Variants in TCF12 observed in about 807,000 individuals in gnomAD.
TCF12 encodes the protein DNA-binding protein HTF4.
Under a neutral mutation model 86.0 loss-of-function variants are expected in TCF12, and 45 were observed. The observed-to-expected ratio is 0.52, with a 90% CI of 0.41 to 0.67. TCF12 has a LOEUF of 0.67. Among genes scored for constraint, TCF12 ranks in the 30% least tolerant of loss-of-function variants. The pLI is 0.00. For missense variants in TCF12, 881 were observed against 859.9 expected (o/e 1.02, Z -0.31); for synonymous variants, 330 against 299.6 (o/e 1.10, Z -1.05).
intron 5 of TCF12, among the ~76,000 whole-genome samples, chr15:57,098,603 G>A (rs2049506413): frequency 6.6e-6 from 1 of 152,182 alleles, no homozygotes. Flanking sequence ...AATATACGTG[G>A]CAGAATGTCA....
chr15:57,272,926 A>T, intron 18 of TCF12, 104 bp from the exon 19 acceptor site: 4 of 1,063,488 alleles, frequency 3.8e-6, no homozygotes, highest in Non-Finnish European at 5.4e-6. Context: ...TACAAGATTT[A>T]TAGGTGGTTT....
intron 3 of TCF12, among the ~76,000 whole-genome samples, chr15:57,003,676 A>G (rs1321049662): frequency 6.6e-6 from 1 of 152,238 alleles, no homozygotes; most frequent in Non-Finnish European, 1.5e-5. Flanking sequence ...ATTTTTTGTT[A>G]TCCCGTGTGT....
chr15:57,281,413 C>T (rs1187211756), intron 19 of TCF12, among the ~76,000 whole-genome samples: 1 of 152,210 alleles, frequency 6.6e-6, no homozygotes, highest in Non-Finnish European at 1.5e-5. Flanking sequence ...ACCTATCTAT[C>T]CTTCTCCCTC....
chr15:57,273,165 G>T lies in TCF12; in HGVS notation c.1881G>T (p.Met627Ile). 1 of 1,614,220 alleles carries T rather than the reference G, an allele frequency of 6.2e-7. No homozygotes were observed. Residue 627 changes from methionine (M) to isoleucine (I), a missense_variant, in exon 19 of 21, where the codon ATG (methionine) becomes ATT (isoleucine). Physicochemically the swap from Met to Ile is conservative, Grantham distance 10 (BLOSUM62 1). Coordinates refer to ENST00000333725, the MANE Select transcript of TCF12 (RefSeq NM_207037.2). ...INEAFKELGR[M>I]CQLHLKSEKP... Reference sequence around the variant, plus strand: ...AAGCATTCAAAGAGCTTGGCCGAATGTGTCAGCTTCACTTGAAGAGTGAAA... The same window carrying T: ...AAGCATTCAAAGAGCTTGGCCGAATTTGTCAGCTTCACTTGAAGAGTGAAA...
rs181292339 is a variant in TCF12, at chr15:56,992,747, A to G, written c.149-71003A>G. ...GGATTTTATTAATAGTGTTACGGCTATCTTTTCATGAGTTAGTTACCATGT... is the reference window on the plus strand; with the variant it reads ...GGATTTTATTAATAGTGTTACGGCTGTCTTTTCATGAGTTAGTTACCATGT... On this transcript the variant is annotated intron_variant, in intron 3 of 20. Transcript: ENST00000333725. Among the ~76,000 whole-genome samples, 160 of 152,330 alleles carry G rather than the reference A, an allele frequency of 1.1e-3. 1 individual carries two copies. The highest frequency in any genetic ancestry group is 4.1e-3 in the Admixed American group (63 of 15,298).
intron 4 of TCF12, among the ~76,000 whole-genome samples, chr15:57,075,784 T>C (rs1364119994): frequency 2.2e-4 from 10 of 45,878 alleles, no homozygotes; most frequent in African/African-American, 7.0e-4. Context: ...CTTTCTTTCT[T>C]TCTTTCTTTC....
chr15:57,186,351 T>C (rs2056664551), intron 6 of TCF12, among the ~76,000 whole-genome samples: 1 of 152,058 alleles, frequency 6.6e-6, no homozygotes, highest in African/African-American at 2.4e-5. Context: ...ATTTTAAAAT[T>C]AACCGAGTGT....
chr15:57,078,227 TG>T (rs1567377406), intron 4 of TCF12, among the ~76,000 whole-genome samples: 1 of 152,226 alleles, frequency 6.6e-6, no homozygotes, highest in Non-Finnish European at 1.5e-5. Context: ...CATTTGAAGC[TG>T]TGCTGGTGTA....
In TCF12 at chr15:57,154,244, A is replaced by G. The variant is rs1670758505; in HGVS notation, c.326-12158A>G. Among the ~76,000 whole-genome samples the G allele has an allele frequency of 3.3e-5, 5 of 152,244 alleles. 1 individual carries two copies. In the South Asian group the frequency reaches 1.0e-3, roughly 32 times the overall value. On this transcript the variant is annotated intron_variant, in intron 5 of 20. Transcript: ENST00000333725. Reference sequence around the variant, plus strand: ...TAAGAATAGGGTCTTCGCTAGATGAAAACATTTAAATAGTGAACTACTTAA... The same window carrying G: ...TAAGAATAGGGTCTTCGCTAGATGAGAACATTTAAATAGTGAACTACTTAA...
intron 19 of TCF12, chr15:57,278,697 T>TCTCTCTCTCCCTCCCTCC (rs2061518894): frequency 8.4e-6 from 1 of 118,626 alleles, no homozygotes; most frequent in East Asian, 2.3e-4. Context: ...CCTCTCCCTC[T>TCTCTCTCTCCCTCCCTCC]CTCTCCCTCC....
chr15:57,170,392 A>G (rs1432753991), intron 6 of TCF12, among the ~76,000 whole-genome samples: 1 of 151,544 alleles, frequency 6.6e-6, no homozygotes, highest in Admixed American at 6.6e-5. Context: ...CCTAGGTTCA[A>G]GTCTCATCTC....
chr15:57,075,796 TTCTTTCTTTCTCTCTCTC>T (rs1255405001), intron 4 of TCF12, among the ~76,000 whole-genome samples: 5 of 26,034 alleles, frequency 1.9e-4, no homozygotes, highest in African/African-American at 6.1e-4. Flanking sequence ...CTTTCTTTCT[TTCTTTCTTTCTCTCTCTC>T]TCTCTCTCTC....
intron 4 of TCF12, among the ~76,000 whole-genome samples, chr15:57,085,783 T>A (rs1430231671): frequency 6.6e-6 from 1 of 152,210 alleles, no homozygotes; most frequent in African/African-American, 2.4e-5. Context: ...AACACTTATT[T>A]ATATCCAGGC....
In TCF12 at chr15:57,101,217, G is replaced by GT. The variant is rs1419292270; in HGVS notation, c.325+9332dup. 5.2e-4 allele frequency among the ~76,000 whole-genome samples: 78 copies of GT among 151,326 alleles called. 1 individual carries two copies. Among genetic ancestry groups the GT allele is most frequent in the Admixed American group, 2.8e-3 (43 of 15,154 alleles). On this transcript the variant is annotated intron_variant, in intron 5 of 20. Transcript: ENST00000333725. ...TGGTTTTTGTTTTTTGTTTTGTTTT[G>GT]TTTTTTGAGACAGAATCTTGCTCTG...
At chr15:57,070,446 C>T (rs1164578328) in intron 4 of TCF12, among the ~76,000 whole-genome samples, 1 of 151,914 alleles carries the variant, frequency 6.6e-6, no homozygotes. Flanking sequence ...ATAGACAAAG[C>T]CATAGATTGG....
chr15:57,113,778 T>TTA (rs1555508745), intron 5 of TCF12, among the ~76,000 whole-genome samples: 1 of 95,796 alleles, frequency 1.0e-5, no homozygotes, highest in Non-Finnish European at 1.9e-5. Flanking sequence ...CGTCTCTACT[T>TTA]AAAAAAAAAA....
chr15:57,013,505 G>A (rs998271802), intron 3 of TCF12, among the ~76,000 whole-genome samples: 2 of 152,122 alleles, frequency 1.3e-5, no homozygotes, highest in Non-Finnish European at 2.9e-5. Flanking sequence ...ATTTTCAGTA[G>A]AGATGGGGTT....
At chr15:57,141,943 G>T (rs1270973519) in intron 5 of TCF12, among the ~76,000 whole-genome samples, 1 of 152,132 alleles carries the variant, frequency 6.6e-6, no homozygotes, top group Non-Finnish European at 1.5e-5. Context: ...TGACATAAAG[G>T]GAAGAAGCAC....
intron 19 of TCF12, among the ~76,000 whole-genome samples, chr15:57,273,817 G>A (rs1390593085): frequency 6.6e-6 from 1 of 152,046 alleles, no homozygotes; most frequent in Admixed American, 6.6e-5. Flanking sequence ...AACATACATC[G>A]GCATGCCTCT....
Sources: allele counts gnomAD v4.1 joint callset (sites outside exome capture counted in the v4.1 genomes callset), GRCh38; gene constraint gnomAD v4.1.1; transcripts MANE v1.5; gene names NCBI Gene and HGNC (gene_info 2026-07-23, HGNC 2026-07-21).